MYO9A: variants seen among roughly 807,000 people sequenced by gnomAD.
The protein encoded by MYO9A is unconventional myosin-IXa.
Under a neutral mutation model 293.3 loss-of-function variants are expected in MYO9A, and 103 were observed. The observed-to-expected ratio is 0.35, with a 90% confidence interval of 0.30 to 0.41. MYO9A has a LOEUF of 0.41. Ranked by LOEUF, MYO9A falls within the 10% of genes least tolerant of loss-of-function variation. The pLI is 1.00. For missense variants in MYO9A, 2,685 were observed against 3,033.0 expected, an observed-to-expected ratio of 0.89 and a Z score of 2.69; for synonymous variants, 1,001 against 1,035.7, an observed-to-expected ratio of 0.97 and a Z score of 0.64.
At chr15:71,936,476 T>G (rs1247981078) in intron 16 of MYO9A, among the ~76,000 whole-genome samples, 1 of 152,054 alleles carries the variant, frequency 6.6e-6, no homozygotes, top group East Asian at 1.9e-4. Flanking sequence ...AGACAGAATT[T>G]TGAAAGAGAA....
At chr15:71,959,857 A>G in intron 14 of MYO9A, 44 bp downstream of exon 14, 1 of 1,507,302 alleles carries the variant, frequency 6.6e-7, no homozygotes, top group Non-Finnish European at 8.9e-7. Flanking sequence ...GTAAAAAAAA[A>G]AAAAAAGATG....
At chr15:71,920,110 G>T (rs576347410) in intron 18 of MYO9A, among the ~76,000 whole-genome samples, 1 of 152,234 alleles carries the variant, frequency 6.6e-6, no homozygotes, top group South Asian at 2.1e-4. Flanking sequence ...TAGAGGTAAA[G>T]GGATACAGAA....
chr15:71,926,111 G>C (rs2058307695), intron 18 of MYO9A, among the ~76,000 whole-genome samples: 1 of 152,066 alleles, frequency 6.6e-6, no homozygotes, highest in South Asian at 2.1e-4. Flanking sequence ...CAGCAGTGTA[G>C]TCTCTGTGTA....
At chr15:71,920,282 G>T (rs1265752402) in intron 18 of MYO9A, among the ~76,000 whole-genome samples, 1 of 152,106 alleles carries the variant, frequency 6.6e-6, no homozygotes, top group African/African-American at 2.4e-5. Context: ...AGATTAATGA[G>T]ATATTGCTTG....
intron 32 of MYO9A, among the ~76,000 whole-genome samples, chr15:71,867,672 T>C (rs2056376005): frequency 6.9e-6 from 1 of 145,278 alleles, no homozygotes; most frequent in Non-Finnish European, 1.5e-5. Flanking sequence ...GAAAAGCAAA[T>C]AAAAACTGTG....
intron 11 of MYO9A, among the ~76,000 whole-genome samples, chr15:71,983,538 G>A (rs143422328): frequency 4.9e-4 from 66 of 135,940 alleles, no homozygotes; most frequent in Non-Finnish European, 7.9e-4. Flanking sequence ...GTGCAATAGC[G>A]TGATCTCAGC....
In MYO9A at chr15:72,113,961, T is replaced by C. The variant is rs551088095; in HGVS notation, c.-72+3719A>G. On this transcript the variant is annotated intron_variant, in intron 1 of 41. Transcript: ENST00000356056. ...TGGCATGGGGGTCACATAGTAGTTA[T>C]AAGGAGCAGAAATTAGTAATAAATG... is the stretch of plus-strand genomic sequence containing the variant. Among the ~76,000 whole-genome samples the C allele has an allele frequency of 4.3e-4, 65 of 152,154 alleles. 2 individuals are homozygous for C. Among genetic ancestry groups the C allele is most frequent in the South Asian group, 2.1e-3 (10 of 4,818 alleles).
chr15:71,928,488 G>T (rs1329770102), intron 18 of MYO9A, among the ~76,000 whole-genome samples: 1 of 151,896 alleles, frequency 6.6e-6, no homozygotes, highest in Non-Finnish European at 1.5e-5. Context: ...AATGAAAATG[G>T]AATGTTATAG....
chr15:71,951,228 T>C (rs2059043273), intron 15 of MYO9A, among the ~76,000 whole-genome samples: 1 of 152,206 alleles, frequency 6.6e-6, no homozygotes. Flanking sequence ...AAATAACATT[T>C]GCTAATGTTG....
Position 71,917,687 on chromosome 15 carries a change from A to G in MYO9A, c.2563-1195T>C, listed in dbSNP as rs148643748. ...TATTTGGGAGCTTTTTGAGCCAATC[A>G]TAATTTTTTAAACCACACAATATTT... On this transcript the variant is annotated intron_variant, in intron 18 of 41. Transcript: ENST00000356056. Among the ~76,000 whole-genome samples, 1,163 of 152,332 alleles carry G rather than the reference A, an allele frequency of 7.6e-3. 12 individuals are homozygous for G. Among genetic ancestry groups the G allele is most frequent in the Admixed American group, 0.018 (268 of 15,302 alleles).
intron 15 of MYO9A, 128 bp from the exon 16 acceptor site, chr15:71,939,055 T>G (rs1391106913): frequency 3.1e-6 from 2 of 644,588 alleles, no homozygotes; most frequent in Non-Finnish European, 5.2e-6. Flanking sequence ...AATATCTAAA[T>G]AATTACATGA....
intron 6 of MYO9A, among the ~76,000 whole-genome samples, chr15:72,014,717 AAAAG>A (rs1385011946): frequency 6.6e-6 from 1 of 151,634 alleles, no homozygotes; most frequent in Non-Finnish European, 1.5e-5. Context: ...AAAAGAAAAG[AAAAG>A]AAGAGAAGAG....
intron 1 of MYO9A, among the ~76,000 whole-genome samples, chr15:72,088,171 G>A (rs184425734): frequency 1.3e-5 from 2 of 152,236 alleles, no homozygotes; most frequent in East Asian, 3.9e-4. Flanking sequence ...ATAAATTTTT[G>A]TTTTTTAAGC....
At chr15:71,870,078 T>C (rs1367366614) in intron 32 of MYO9A, among the ~76,000 whole-genome samples, 1 of 152,120 alleles carries the variant, frequency 6.6e-6, no homozygotes, top group Non-Finnish European at 1.5e-5. Context: ...ATGTGATGAG[T>C]GACACTTCCA....
chr15:71,886,592 C>T (rs2057027625), intron 27 of MYO9A, among the ~76,000 whole-genome samples: 1 of 152,018 alleles, frequency 6.6e-6, no homozygotes, highest in African/African-American at 2.4e-5. Flanking sequence ...GGAAGGTCAG[C>T]CAGCTAGATG....
At chr15:72,100,135 C>A (rs1025073990) in intron 1 of MYO9A, among the ~76,000 whole-genome samples, 11 of 152,030 alleles carry the variant, frequency 7.2e-5, no homozygotes, top group African/African-American at 2.4e-4. Flanking sequence ...GGAATCCCAA[C>A]ACTTTGGGGT....
At chr15:71,951,512 T>C (rs893096334) in intron 15 of MYO9A, among the ~76,000 whole-genome samples, 27 of 151,862 alleles carry the variant, frequency 1.8e-4, no homozygotes, top group African/African-American at 5.8e-4. Flanking sequence ...GAAAGACAAA[T>C]AGAAACCAAT....
chr15:71,990,407 T>C (rs962494902), intron 11 of MYO9A, among the ~76,000 whole-genome samples: 1 of 152,068 alleles, frequency 6.6e-6, no homozygotes, highest in Admixed American at 6.6e-5. Flanking sequence ...TAGGGAACTA[T>C]AAAACCTCTG....
intron 1 of MYO9A, among the ~76,000 whole-genome samples, chr15:72,097,076 A>G (rs1441615191): frequency 6.6e-6 from 1 of 152,246 alleles, no homozygotes; most frequent in East Asian, 1.9e-4. Flanking sequence ...AGTATGTATA[A>G]TATTACATCA....
Sources: gnomAD v4.1 joint callset for allele counts (sites outside exome capture counted in the v4.1 genomes callset) on GRCh38, gnomAD v4.1.1 for gene constraint, MANE v1.5 for transcripts, NCBI Gene and HGNC (gene_info 2026-07-23, HGNC 2026-07-21) for gene names.